Variants in PTPRN2 observed in about 807,000 individuals in gnomAD.
The protein encoded by PTPRN2 is protein tyrosine phosphatase receptor type N2, also known as receptor-type tyrosine-protein phosphatase N2.
PTPRN2 carries 74 observed loss-of-function variants against 118.8 expected under a neutral mutation model. The ratio of observed to expected loss-of-function variants is 0.62; its 90% CI spans 0.52 to 0.76. The LOEUF (loss-of-function observed/expected upper bound fraction) is 0.76, where lower values mean the gene tolerates loss of function less well. Among genes scored for constraint, PTPRN2 ranks in the 30% least tolerant of loss-of-function variants. The probability of loss-of-function intolerance (pLI) is 0.00; values close to 1 mark genes in which losing one functional copy is unlikely to be tolerated. For missense variants in PTPRN2, 1,481 were observed against 1,394.4 expected (o/e 1.06, Z -0.99); for synonymous variants, 641 against 608.0 (o/e 1.05, Z -0.80).
At chr7:157,898,504 C>A (rs1797259015) in intron 12 of PTPRN2, among the ~76,000 whole-genome samples, 169 bp downstream of exon 12, 1 of 152,192 alleles carries the variant, frequency 6.6e-6, no homozygotes, top group Non-Finnish European at 1.5e-5. Context: ...CGTTTCGCCA[C>A]CGTTTCCCAC....
At chr7:158,348,222 G>A (rs1359659971) in intron 2 of PTPRN2, among the ~76,000 whole-genome samples, 3 of 152,008 alleles carry the variant, frequency 2.0e-5, no homozygotes, top group Admixed American at 6.6e-5. Context: ...CAAAAGCAGC[G>A]GGGAGATGCT....
At position 157,732,072 on chromosome 7, in the gene PTPRN2, T is replaced by C. The variant is rs866505761; in HGVS notation, c.1789-49135A>G. Among the ~76,000 whole-genome samples, 61 of 54,170 alleles carry C rather than the reference T, an allele frequency of 1.1e-3. 1 individual carries two copies. Among genetic ancestry groups the C allele is most frequent in the Non-Finnish European group, 1.8e-3 (46 of 26,202 alleles). The allele number at this position is 54,170 out of a possible 152,430, so 35.5% of individuals were successfully genotyped here. ...AGCACAGTTACTCTTTTCCACCCCATGCGCCCAGCACAGTTACCCTTTCCC... is the reference window on the plus strand; with the variant it reads ...AGCACAGTTACTCTTTTCCACCCCACGCGCCCAGCACAGTTACCCTTTCCC... On this transcript the variant is annotated intron_variant, in intron 12 of 22. Coordinates refer to ENST00000389418, the MANE Select transcript of PTPRN2 (RefSeq NM_002847.5).
At chr7:158,457,707 C>T (rs150346320) in intron 2 of PTPRN2, among the ~76,000 whole-genome samples, 858 of 42,062 alleles carry the variant, frequency 0.02, 190 homozygotes, top group African/African-American at 0.067. Flanking sequence ...ACAGTAAAGC[C>T]ACCGTCAAAA....
intron 11 of PTPRN2, among the ~76,000 whole-genome samples, chr7:157,933,076 G>A (rs1332973059): frequency 6.7e-6 from 1 of 149,954 alleles, no homozygotes; most frequent in African/African-American, 2.5e-5. Flanking sequence ...CATTTTTAGA[G>A]GAGGGATGAG....
chr7:158,359,536 G>T (rs770102764), intron 2 of PTPRN2, among the ~76,000 whole-genome samples: 1 of 152,054 alleles, frequency 6.6e-6, no homozygotes, highest in Non-Finnish European at 1.5e-5. Flanking sequence ...TCAAAGATTT[G>T]CAGCCTGAGG....
At chr7:158,475,446 C>A (rs1003837663) in intron 2 of PTPRN2, among the ~76,000 whole-genome samples, 22 of 152,168 alleles carry the variant, frequency 1.4e-4, no homozygotes, top group Non-Finnish European at 1.5e-5. Flanking sequence ...AGAAAGGTGA[C>A]CTTGTGCACG....
Position 157,801,129 on chromosome 7 carries a change from A to G in PTPRN2, c.1788+97544T>C, listed in dbSNP as rs1805270049. On this transcript the variant is annotated intron_variant, in intron 12 of 22. Transcript: ENST00000389418. This position sits in a 1 kb window ranked among gnomAD's most constrained non-coding sequence, Gnocchi z 4.2. ...CATATATATGAATACCCAATACCCA[A>G]TCCACAGCTTTCTCTTTGTGGTGCT... is the stretch of plus-strand genomic sequence containing the variant. Among the ~76,000 whole-genome samples, 1 of 151,702 alleles carries G rather than the reference A, an allele frequency of 6.6e-6. No homozygotes were observed.
chr7:158,149,229 A>T (rs1193609092), intron 6 of PTPRN2, among the ~76,000 whole-genome samples: 3 of 151,188 alleles, frequency 2.0e-5, no homozygotes, highest in Non-Finnish European at 1.5e-5. Context: ...CTGCTCTCCA[A>T]GCTGGCACCA....
At chr7:158,418,678 T>A (rs562286119) in intron 2 of PTPRN2, among the ~76,000 whole-genome samples, 55 of 151,778 alleles carry the variant, frequency 3.6e-4, no homozygotes, top group African/African-American at 1.2e-3. Context: ...CTGTGTTAAG[T>A]CACGGTGTAC....
intron 14 of PTPRN2, among the ~76,000 whole-genome samples, chr7:157,654,833 A>G (rs373814660): frequency 2.0e-5 from 3 of 152,216 alleles, no homozygotes; most frequent in East Asian, 3.8e-4. Context: ...TCAGAACACA[A>G]TGAGAGCTCG....
intron 12 of PTPRN2, among the ~76,000 whole-genome samples, chr7:157,689,288 C>A (rs1472778139): frequency 2.0e-5 from 3 of 152,232 alleles, no homozygotes; most frequent in Admixed American, 1.3e-4. Flanking sequence ...TTGGCGAAGA[C>A]CCCTCGGACA....
In PTPRN2 at chr7:158,157,809, G is replaced by A. The variant is rs74425905; in HGVS notation, c.910+9122C>T. On this transcript the variant is annotated intron_variant, in intron 6 of 22. Coordinates refer to ENST00000389418, the MANE Select transcript of PTPRN2 (RefSeq NM_002847.5). ...CTCCCCTGGGAGAGAGTGCGCTGCTGCTGACTCCACGGTGTGCTGACACAC... is the reference window on the plus strand; with the variant it reads ...CTCCCCTGGGAGAGAGTGCGCTGCTACTGACTCCACGGTGTGCTGACACAC... Among the ~76,000 whole-genome samples the A allele has an allele frequency of 4.2e-3, 639 of 152,354 alleles. 14 individuals carry two copies. The East Asian group carries it at 0.058, about 14-fold the overall frequency.
intron 12 of PTPRN2, among the ~76,000 whole-genome samples, chr7:157,877,346 C>T (rs530613436): frequency 1.3e-5 from 2 of 150,086 alleles, no homozygotes; most frequent in East Asian, 2.0e-4. Context: ...TTCTCGGGGA[C>T]CCCGGGTCCG....
intron 2 of PTPRN2, among the ~76,000 whole-genome samples, chr7:158,384,944 G>A (rs772637185): frequency 3.3e-4 from 50 of 151,678 alleles, no homozygotes; most frequent in African/African-American, 1.1e-3. Flanking sequence ...TATTTGCTGC[G>A]CATCAGTAAA....
chr7:158,434,714 T>C (rs1298352865), intron 2 of PTPRN2, among the ~76,000 whole-genome samples: 2 of 152,210 alleles, frequency 1.3e-5, no homozygotes, highest in African/African-American at 2.4e-5. Context: ...ATCTGTTTTA[T>C]TTTTCCTTTT....
intron 14 of PTPRN2, among the ~76,000 whole-genome samples, chr7:157,655,502 A>T (rs934142356): frequency 3.3e-5 from 5 of 152,268 alleles, no homozygotes; most frequent in Non-Finnish European, 7.3e-5. Context: ...GTAAGCATTT[A>T]ACAGCAACTT....
intron 15 of PTPRN2, among the ~76,000 whole-genome samples, chr7:157,614,542 G>C (rs1043258899): frequency 4.6e-5 from 7 of 152,316 alleles, no homozygotes; most frequent in Non-Finnish European, 1.0e-4. Context: ...AAACAAAACA[G>C]ACAACAGATA....
chr7:158,079,401 T>C (rs1263504596), intron 11 of PTPRN2, among the ~76,000 whole-genome samples: 1 of 152,142 alleles, frequency 6.6e-6, no homozygotes, highest in African/African-American at 2.4e-5. Context: ...CTTCGATAAA[T>C]AACATGAACA....
chr7:157,549,059 G>A, intron 21 of PTPRN2, 40 bp from the exon 22 acceptor site: 2 of 1,573,856 alleles, frequency 1.3e-6, no homozygotes, highest in Non-Finnish European at 1.7e-6. Context: ...CAGAGCACAA[G>A]ATAATCCATG....
Sources: gnomAD v4.1 joint callset for allele counts (sites outside exome capture counted in the v4.1 genomes callset) on GRCh38, gnomAD v4.1.1 for gene constraint, Gnocchi (gnomAD v3.1) non-coding constraint, MANE v1.5 for transcripts, NCBI Gene and HGNC (gene_info 2026-07-23, HGNC 2026-07-21) for gene names.